The following KCNMA1 variants were observed in gnomAD, a reference collection of about 807,000 sequenced individuals.
KCNMA1 encodes the protein potassium calcium-activated channel subfamily M alpha 1.
KCNMA1 carries 29 observed loss-of-function variants against 140.0 expected under a neutral mutation model. That is an observed-to-expected ratio of 0.21 (90% CI 0.15 to 0.28). KCNMA1 has a LOEUF of 0.28. Among genes scored for constraint, KCNMA1 ranks in the 10% least tolerant of loss-of-function variants. The probability of loss-of-function intolerance (pLI) is 1.00; values close to 1 mark genes in which losing one functional copy is unlikely to be tolerated. For missense variants in KCNMA1, 880 were observed against 1,602.2 expected (o/e 0.55, Z 7.70); for synonymous variants, 612 against 611.9 (o/e 1.00, Z 0.00).
chr10:76,922,705 GCT>G (rs1394484108), intron 23 of KCNMA1, among the ~76,000 whole-genome samples: 2 of 152,204 alleles, frequency 1.3e-5, no homozygotes, highest in Non-Finnish European at 2.9e-5. Context: ...ATGAGATAGA[GCT>G]CTGTCATTGT....
At chr10:77,525,328 AG>A in intron 1 of KCNMA1, among the ~76,000 whole-genome samples, 1 of 152,232 alleles carries the variant, frequency 6.6e-6, no homozygotes. Flanking sequence ...ATGTCCTTAC[AG>A]GTTGGAACCC....
intron 2 of KCNMA1, among the ~76,000 whole-genome samples, chr10:77,316,157 C>A (rs141397719): frequency 4.9e-4 from 74 of 152,108 alleles, no homozygotes; most frequent in Non-Finnish European, 7.9e-4. Context: ...TCCAAGTCCA[C>A]GTGATAGCAG....
chr10:77,485,440 C>A (rs557717297), intron 1 of KCNMA1, among the ~76,000 whole-genome samples: 1 of 152,172 alleles, frequency 6.6e-6, no homozygotes, highest in Non-Finnish European at 1.5e-5. Context: ...GCAGGCTGAC[C>A]GAGCGTGTCT....
intron 5 of KCNMA1, among the ~76,000 whole-genome samples, chr10:77,122,192 C>G (rs1477699679): frequency 6.6e-6 from 1 of 152,030 alleles, no homozygotes; most frequent in Non-Finnish European, 1.5e-5. Context: ...CAACGTGGAG[C>G]TGTTTAGGTA....
intron 3 of KCNMA1, among the ~76,000 whole-genome samples, chr10:77,212,451 G>C (rs2046378821): frequency 6.6e-6 from 1 of 152,142 alleles, no homozygotes; most frequent in Admixed American, 6.6e-5. Context: ...CTACTAGAGA[G>C]GGGAGGGAAA....
In KCNMA1 at chr10:76,949,145, C is replaced by T. The variant is rs772956198; in HGVS notation, c.2706G>A (p.Leu902=). Residue 902 remains leucine (L), a synonymous_variant, in exon 22 of 28, where the codon TTG becomes TTA. Coordinates refer to ENST00000286628, the MANE Select transcript of KCNMA1 (RefSeq NM_001161352.2). ...TLHNFPKVSI[L]PGTPLSRADL... is the part of the protein sequence containing the mutation. ...AATAATGTGACCTTGGACTTACAGG[C>T]AATATGGACACTTTGGGGAAGTTAT... is the stretch of plus-strand genomic sequence containing the variant. 3 of 1,610,376 alleles carry T rather than the reference C, an allele frequency of 1.9e-6. No homozygotes were observed. The highest frequency in any genetic ancestry group is 2.7e-5 in the African/African-American group (2 of 74,864).
chr10:77,344,591 T>C (rs576738291), intron 2 of KCNMA1, among the ~76,000 whole-genome samples: 1 of 152,256 alleles, frequency 6.6e-6, no homozygotes, highest in South Asian at 2.1e-4. Flanking sequence ...CTCTATTTTT[T>C]TTTTTGGGTA....
rs868484439 is a variant in KCNMA1, at chr10:77,185,646, G to C, written c.603-730C>G. ...TGCTAATTGACTTGGTGTGTGTGTC[G>C]AGCAGCCAATGCAAACCCCTAGCAC... On this transcript the variant is annotated intron_variant, in intron 3 of 27. Transcript: ENST00000286628. Among the ~76,000 whole-genome samples, 45 of 148,032 alleles carry C rather than the reference G, an allele frequency of 3.0e-4. No homozygotes were observed. In the Middle Eastern group the frequency reaches 0.014, roughly 46 times the overall value.
chr10:77,326,987 C>G (rs940267086), intron 2 of KCNMA1, among the ~76,000 whole-genome samples: 1 of 152,104 alleles, frequency 6.6e-6, no homozygotes, highest in Non-Finnish European at 1.5e-5. Context: ...AATGCAAGCA[C>G]ACCATGGGGA....
chr10:77,481,477 A>C (rs2154531719), intron 1 of KCNMA1, among the ~76,000 whole-genome samples: 1 of 152,228 alleles, frequency 6.6e-6, no homozygotes, highest in African/African-American at 2.4e-5. Flanking sequence ...AATTGTTTAG[A>C]AACTAACAGG....
intron 1 of KCNMA1, among the ~76,000 whole-genome samples, chr10:77,598,030 G>A (rs1265207308): frequency 6.6e-6 from 1 of 152,148 alleles, no homozygotes; most frequent in East Asian, 1.9e-4. Flanking sequence ...GGAGTGCAGT[G>A]GCGCGATCTC....
chr10:76,919,370 T>C (rs2054352143), intron 23 of KCNMA1, among the ~76,000 whole-genome samples: 1 of 152,180 alleles, frequency 6.6e-6, no homozygotes. Context: ...CCTTACACTG[T>C]AAGTTTTCTC....
rs1158990086 is a variant in KCNMA1, at chr10:77,568,962, T to A, written c.378+68303A>T. ...AACAACAGACAAACAGAGAGCCAAA[T>A]CATGAGTGAACTCCCATTCACAATT... On this transcript the variant is annotated intron_variant, in intron 1 of 27. Transcript: ENST00000286628. Among the ~76,000 whole-genome samples, 16 of 145,780 alleles carry A rather than the reference T, an allele frequency of 1.1e-4. 1 individual carries two copies. Among genetic ancestry groups the A allele is most frequent in the Non-Finnish European group, 4.5e-5 (3 of 66,026 alleles).
At chr10:77,340,955 A>G (rs1190882457) in intron 2 of KCNMA1, among the ~76,000 whole-genome samples, 6 of 152,098 alleles carry the variant, frequency 3.9e-5, no homozygotes, top group Non-Finnish European at 7.4e-5. Context: ...TCTGTACTAC[A>G]AAACAGAATG....
chr10:77,165,264 T>C (rs2098627208), intron 5 of KCNMA1, among the ~76,000 whole-genome samples: 2 of 152,212 alleles, frequency 1.3e-5, no homozygotes, highest in Non-Finnish European at 2.9e-5. Context: ...ACTTAAAATA[T>C]GAATGCAGAG....
chr10:77,545,991 C>T (rs2061389080), intron 1 of KCNMA1, among the ~76,000 whole-genome samples: 1 of 152,202 alleles, frequency 6.6e-6, no homozygotes, highest in South Asian at 2.1e-4. Context: ...TTCACTCCCT[C>T]CCTATGGCCA....
chr10:77,603,836 A>T (rs1255992252), intron 1 of KCNMA1, among the ~76,000 whole-genome samples: 1 of 152,218 alleles, frequency 6.6e-6, no homozygotes, highest in Non-Finnish European at 1.5e-5. Context: ...AGACACTGGC[A>T]TTGGGCTGCC....
At chr10:76,953,710 T>C (rs2067136312) in intron 21 of KCNMA1, 91 bp downstream of exon 21, 6 of 1,445,436 alleles carry the variant, frequency 4.2e-6, no homozygotes, top group Admixed American at 1.7e-5. Flanking sequence ...GGGACAGTAT[T>C]ATCCCACTGT....
chr10:77,316,604 G>A (rs1264607958), intron 2 of KCNMA1, among the ~76,000 whole-genome samples: 2 of 152,132 alleles, frequency 1.3e-5, no homozygotes, highest in African/African-American at 4.8e-5. Flanking sequence ...ACTTTGAGAA[G>A]CATTGGTTTA....
Sources: gnomAD v4.1 joint callset for allele counts (sites outside exome capture counted in the v4.1 genomes callset) on GRCh38, gnomAD v4.1.1 for gene constraint, MANE v1.5 for transcripts, NCBI Gene and HGNC (gene_info 2026-07-23, HGNC 2026-07-21) for gene names.